Variants in NCAPG observed in about 807,000 individuals in gnomAD.
NCAPG encodes non-SMC condensin I complex subunit G.
In NCAPG, 69 loss-of-function variants were observed where a neutral mutation model predicts 113.1. The observed-to-expected ratio is 0.61, with a 90% CI of 0.50 to 0.75. The LOEUF is 0.75. Ranked by LOEUF, NCAPG falls within the 30% of genes least tolerant of loss-of-function variation. The pLI is 0.00. For missense variants in NCAPG, 1,058 were observed against 1,177.0 expected (o/e 0.90, Z 1.48); for synonymous variants, 370 against 415.8 (o/e 0.89, Z 1.34).
Position 17,812,557 on chromosome 4 carries a change from T to C in NCAPG, c.315+133T>C, listed in dbSNP as rs943028781. ...AAAACCTGAATGAGTCTACCTTTCA[T>C]AGGAAATATTAGAATTATCATTATG... On this transcript the variant is annotated intron_variant, in intron 2 of 20. Transcript: ENST00000251496. 6 of 679,384 alleles carry C rather than the reference T, an allele frequency of 8.8e-6. No homozygotes were observed. In the African/African-American group the frequency reaches 9.1e-5, roughly 10 times the overall value. The allele number at this position is 679,384 out of a possible 1,614,324, so 42.1% of individuals were successfully genotyped here.
In NCAPG at chr4:17,839,648, TAC is replaced by T. The variant is rs761522201; in HGVS notation, c.2467-26_2467-25del. 10 of 1,427,346 alleles carry T rather than the reference TAC, an allele frequency of 7.0e-6. No individual in the cohort carries two copies. The South Asian group carries it at 1.5e-4, about 22-fold the overall frequency. The allele number at this position is 1,427,346 out of a possible 1,614,324, so 88.4% of individuals were successfully genotyped here. ...ATAATAATCATAATCATCTTCAATTTACAGAGAATTTTCTCTTAATTTTTTAG... is the reference window on the plus strand; with the variant it reads ...ATAATAATCATAATCATCTTCAATTTAGAGAATTTTCTCTTAATTTTTTAG... On this transcript the variant is annotated intron_variant, in intron 16 of 20. Transcript: ENST00000251496.
At chr4:17,839,015 CT>C (rs990154332) in intron 16 of NCAPG, among the ~76,000 whole-genome samples, 3 of 151,984 alleles carry the variant, frequency 2.0e-5, no homozygotes, top group Non-Finnish European at 4.4e-5. Context: ...GTACAAGAAT[CT>C]AAAAGAAAGA....
At position 17,823,107 on chromosome 4, in the gene NCAPG, A is replaced by G. The variant is rs749899781; in HGVS notation, c.1243A>G (p.Ser415Gly). ...LILIIKSLDTSEEGGRKKLLA... is the reference protein window; with the variant it reads ...LILIIKSLDTGEEGGRKKLLA... ...TCTAATTATTAAGTCTTTGGATACC[A>G]GTGAAGAAGGAGGAAGGTATGTCTA... The change falls in exon 8 of 21, where the codon AGT becomes GGT. Residue 415 changes from serine (S) to glycine (G), a missense_variant. Coordinates refer to ENST00000251496, the MANE Select transcript of NCAPG (RefSeq NM_022346.5). The G allele has an allele frequency of 1.2e-6, 2 of 1,607,982 alleles. No individual in the cohort carries two copies. The highest frequency in any genetic ancestry group is 1.7e-5 in the Admixed American group (1 of 58,680).
At chr4:17,818,147 C>A in intron 7 of NCAPG, 59 bp downstream of exon 7, 1 of 1,495,976 alleles carries the variant, frequency 6.7e-7, no homozygotes, top group South Asian at 1.3e-5. Flanking sequence ...GTCAATCTCC[C>A]AGTCCCCTTC....
In NCAPG at chr4:17,826,228, A is replaced by G. The variant is rs545783350; in HGVS notation, c.1653+667A>G. ...ATAAATATGTAAACATAAGATAGGT[A>G]TCAATTAATATTTGATATTAACTTT... On this transcript the variant is annotated intron_variant, in intron 11 of 20. Transcript: ENST00000251496. Among the ~76,000 whole-genome samples, 8 of 152,266 alleles carry G rather than the reference A, an allele frequency of 5.3e-5. No homozygotes were observed. In the East Asian group the frequency reaches 1.3e-3, roughly 26 times the overall value.
intron 16 of NCAPG, among the ~76,000 whole-genome samples, chr4:17,839,430 C>T (rs1478570513): frequency 6.6e-6 from 1 of 152,132 alleles, no homozygotes; most frequent in East Asian, 1.9e-4. Flanking sequence ...AAACATGCAG[C>T]AACTGGGGGA....
At chr4:17,835,664 C>T (rs1011909187) in intron 14 of NCAPG, among the ~76,000 whole-genome samples, 5 of 152,176 alleles carry the variant, frequency 3.3e-5, no homozygotes, top group East Asian at 1.9e-4. Flanking sequence ...GCAACCAATC[C>T]GCAGTCTGTT....
intron 20 of NCAPG, chr4:17,842,614 G>T: frequency 4.9e-6 from 2 of 408,608 alleles, no homozygotes; most frequent in Non-Finnish European, 8.9e-6. Flanking sequence ...TCTTTAATAT[G>T]TTGTTTCAAT....
chr4:17,816,450 T>A (rs896362731), intron 5 of NCAPG, among the ~76,000 whole-genome samples: 6 of 152,292 alleles, frequency 3.9e-5, no homozygotes, highest in Non-Finnish European at 8.8e-5. Flanking sequence ...AGGAATGATA[T>A]TTTTTGAAGT....
At chr4:17,826,178 A>G (rs1721651191) in intron 11 of NCAPG, among the ~76,000 whole-genome samples, 2 of 152,100 alleles carry the variant, frequency 1.3e-5, no homozygotes, top group African/African-American at 2.4e-5. Flanking sequence ...AATGGTATCG[A>G]TACCATTCTG....
At chr4:17,821,726 A>C (rs552443301) in intron 7 of NCAPG, among the ~76,000 whole-genome samples, 1 of 152,120 alleles carries the variant, frequency 6.6e-6, no homozygotes, top group South Asian at 2.1e-4. Context: ...AACCCCCCGA[A>C]GTGGTTGGGA....
chr4:17,812,291 G>T lies in NCAPG; in HGVS notation c.182G>T (p.Arg61Leu), dbSNP rs1337516624. 9 of 1,613,542 alleles carry T rather than the reference G, an allele frequency of 5.6e-6. No homozygotes were observed. Among genetic ancestry groups the T allele is most frequent in the Non-Finnish European group, 7.6e-6 (9 of 1,179,754 alleles). Residue 61 changes from arginine (R) to leucine (L), a missense_variant, in exon 2 of 21, where the codon CGT becomes CTT. Transcript: ENST00000251496. ...YLKYVMVVYK[R>L]EPAVERVIEF... The stretch of plus-strand genomic sequence containing the variant: ...AAATATGTTATGGTGGTCTATAAAC[G>T]TGAACCAGCTGTGGAGAGGGTAATA...
intron 11 of NCAPG, among the ~76,000 whole-genome samples, 191 bp downstream of exon 11, chr4:17,825,752 A>G (rs925106152): frequency 6.6e-6 from 1 of 152,076 alleles, no homozygotes; most frequent in Non-Finnish European, 1.5e-5. Context: ...ATTAACTTTA[A>G]TTATTGGAGG....
intron 14 of NCAPG, among the ~76,000 whole-genome samples, chr4:17,835,721 C>T (rs1263630179): frequency 1.3e-5 from 2 of 152,206 alleles, no homozygotes; most frequent in Non-Finnish European, 1.5e-5. Flanking sequence ...TGGAATCATA[C>T]AGTATGTGAC....
intron 5 of NCAPG, among the ~76,000 whole-genome samples, chr4:17,816,000 G>C (rs1721189699): frequency 6.6e-6 from 1 of 151,568 alleles, no homozygotes; most frequent in Non-Finnish European, 1.5e-5. Flanking sequence ...GTATACTTTG[G>C]TATGAATGTG....
At chr4:17,830,468 T>C (rs1412376716) in intron 12 of NCAPG, among the ~76,000 whole-genome samples, 1 of 151,904 alleles carries the variant, frequency 6.6e-6, no homozygotes, top group South Asian at 2.1e-4. Flanking sequence ...AGGTAACTTA[T>C]CTTGTTAATA....
intron 16 of NCAPG, among the ~76,000 whole-genome samples, chr4:17,838,467 A>G (rs1218408900): frequency 6.6e-6 from 1 of 152,196 alleles, no homozygotes; most frequent in Non-Finnish European, 1.5e-5. Flanking sequence ...TCAGTAATAG[A>G]GCTATTAAGC....
Position 17,817,298 on chromosome 4 carries a change from A to G in NCAPG, c.813A>G (p.Gln271=). ...AAGCTATGCAGAAGCATCTTCTTCA[A>G]GGCTGGTTACGGTTCTCTGAAGGAA... ...VKQAMQKHLL[Q]GWLRFSEGNI... is the part of the protein sequence containing the mutation. Residue 271 remains glutamine, a synonymous_variant, in exon 6 of 21, where the codon CAA becomes CAG. Transcript: ENST00000251496. The G allele has an allele frequency of 6.2e-7, 1 of 1,614,106 alleles. No homozygotes were observed. The highest frequency in any genetic ancestry group is 2.2e-5 in the East Asian group (1 of 44,862).
chr4:17,815,628 G>T (rs751700270), intron 5 of NCAPG, among the ~76,000 whole-genome samples: 1 of 152,138 alleles, frequency 6.6e-6, no homozygotes, highest in Non-Finnish European at 1.5e-5. Flanking sequence ...AGTTTCAAGC[G>T]ATTCTCCTGC....
Sources: gnomAD v4.1 joint callset for allele counts (sites outside exome capture counted in the v4.1 genomes callset) on GRCh38, gnomAD v4.1.1 for gene constraint, MANE v1.5 for transcripts, NCBI Gene and HGNC (gene_info 2026-07-23, HGNC 2026-07-21) for gene names.